NCOA2: variants seen among roughly 807,000 people sequenced by gnomAD.
NCOA2 encodes nuclear receptor coactivator 2.
A neutral mutation model predicts 145.1 loss-of-function variants in NCOA2; 21 were observed. The ratio of observed to expected loss-of-function variants is 0.14; its 90% CI spans 0.10 to 0.21. NCOA2 has a LOEUF of 0.21. NCOA2 is among the 10% of genes least tolerant of loss of function. The probability of loss-of-function intolerance (pLI) is 1.00; values close to 1 mark genes in which losing one functional copy is unlikely to be tolerated. For synonymous variants in NCOA2, 619 were observed against 637.5 expected (o/e 0.97, Z 0.44); for missense variants, 1,472 against 1,837.6 (o/e 0.80, Z 3.64).
At position 70,166,700 on chromosome 8, in the gene NCOA2, T is replaced by C. The variant is rs1016604814; in HGVS notation, c.596A>G (p.Asn199Ser). 1.9e-6 allele frequency: 3 copies of C among 1,614,012 alleles called. No homozygotes were observed. Among genetic ancestry groups the C allele is most frequent in the East Asian group, 2.2e-5 (1 of 44,888 alleles). The change falls in exon 7 of 23, where the codon AAT becomes AGT. Residue 199 changes from asparagine (N) to serine (S), a missense_variant. By Grantham distance (46) the Asn-to-Ser change is conservative. Around this residue, in one of 4 missense-constraint regions of NCOA2, gnomAD observed 284 missense variants for 467.8 expected, o/e 0.61. Transcript: ENST00000452400. The stretch of plus-strand genomic sequence containing the variant: ...TAAAGGTTTTACCAGCATCCGACAA[T>C]TGAAGGTATGGCTGTTCCGCCTCGG... ...EPPRRNSHTF[N>S]CRMLVKPLPD...
At chr8:70,356,758 T>C (rs1438076901) in intron 1 of NCOA2, among the ~76,000 whole-genome samples, 1 of 152,222 alleles carries the variant, frequency 6.6e-6, no homozygotes, top group Non-Finnish European at 1.5e-5. Flanking sequence ...CATAATGCTT[T>C]GACAGTATGT....
At chr8:70,167,323 G>T (rs147423148) in intron 6 of NCOA2, among the ~76,000 whole-genome samples, 2 of 152,072 alleles carry the variant, frequency 1.3e-5, no homozygotes, top group Non-Finnish European at 2.9e-5. Flanking sequence ...TCCATCTAAC[G>T]GGATCTTCCA....
chr8:70,250,408 A>G (rs1364822645), intron 2 of NCOA2, among the ~76,000 whole-genome samples: 2 of 149,602 alleles, frequency 1.3e-5, no homozygotes, highest in Non-Finnish European at 3.0e-5. Context: ...AAAAAAAAAA[A>G]AAAAAAAAAA....
intron 4 of NCOA2, among the ~76,000 whole-genome samples, chr8:70,181,709 T>G (rs1223140721): frequency 2.0e-5 from 3 of 152,246 alleles, no homozygotes; most frequent in Non-Finnish European, 4.4e-5. Flanking sequence ...CCTAGAAATC[T>G]ACGAATTTTT....
In NCOA2 at chr8:70,209,727, A is replaced by G. The variant is rs139702775; in HGVS notation, c.259+4176T>C. ...AGGTATTTTTAAGTTAAAATGTATT[A>G]ATTTTTTAAAGAAGTAATACCATTG... On this transcript the variant is annotated intron_variant, in intron 4 of 22. Coordinates refer to ENST00000452400, the MANE Select transcript of NCOA2 (RefSeq NM_006540.4). Among the ~76,000 whole-genome samples the G allele has an allele frequency of 2.6e-5, 4 of 152,316 alleles. No individual in the cohort carries two copies. In the East Asian group the frequency reaches 7.7e-4, roughly 29 times the overall value.
chr8:70,308,127 G>A (rs1419646111), intron 1 of NCOA2, among the ~76,000 whole-genome samples: 1 of 151,972 alleles, frequency 6.6e-6, no homozygotes, highest in Admixed American at 6.6e-5. Context: ...TGTAACTAAA[G>A]AACAAAGTCT....
intron 1 of NCOA2, among the ~76,000 whole-genome samples, chr8:70,351,144 C>T (rs1054388426): frequency 3.9e-5 from 6 of 152,220 alleles, no homozygotes; most frequent in African/African-American, 1.4e-4. Flanking sequence ...TTAATCACCT[C>T]TTCATGATCC....
the NCOA2 span, among the ~76,000 whole-genome samples, chr8:70,451,906 CT>C: frequency 1.3e-4 from 20 of 152,290 alleles, no homozygotes; most frequent in African/African-American, 4.8e-4. Flanking sequence ...ATAAAGAACT[CT>C]TACAACTCAA....
intron 17 of NCOA2, 87 bp downstream of exon 17, chr8:70,128,615 T>C (rs1163955348): frequency 1.3e-6 from 2 of 1,592,188 alleles, no homozygotes; most frequent in African/African-American, 2.7e-5. Flanking sequence ...ATCTGCACAT[T>C]GTTGGACAGC....
At chr8:70,162,212 C>CTT (rs557942859) in intron 9 of NCOA2, among the ~76,000 whole-genome samples, 235 of 152,304 alleles carry the variant, frequency 1.5e-3, no homozygotes, top group Non-Finnish European at 2.8e-3. Flanking sequence ...TCAGTTCCAG[C>CTT]TGTCCTATTG....
intron 7 of NCOA2, among the ~76,000 whole-genome samples, chr8:70,166,047 C>A (rs1468268097): frequency 6.6e-6 from 1 of 152,150 alleles, no homozygotes; most frequent in Non-Finnish European, 1.5e-5. Context: ...TGGTCTCGAT[C>A]TCCTGATCTC....
chr8:70,395,179 G>C (rs1419265202), intron 1 of NCOA2, among the ~76,000 whole-genome samples: 1 of 152,206 alleles, frequency 6.6e-6, no homozygotes, highest in African/African-American at 2.4e-5. Context: ...AAGATAAAAG[G>C]AGGTAGAGGA....
At chr8:70,246,923 C>T (rs539235316) in intron 2 of NCOA2, among the ~76,000 whole-genome samples, 1 of 152,164 alleles carries the variant, frequency 6.6e-6, no homozygotes, top group South Asian at 2.1e-4. Context: ...ATAAGTAAAC[C>T]AAGCCAAACT....
chr8:70,214,473 A>T (rs1819380004), intron 3 of NCOA2, among the ~76,000 whole-genome samples: 1 of 152,232 alleles, frequency 6.6e-6, no homozygotes, highest in Non-Finnish European at 1.5e-5. Context: ...AAAGAAGAGA[A>T]GTTAACCCAG....
chr8:70,198,209 T>C (rs1817537682), intron 4 of NCOA2, among the ~76,000 whole-genome samples: 1 of 152,236 alleles, frequency 6.6e-6, no homozygotes, highest in African/African-American at 2.4e-5. Flanking sequence ...GCTGTCGTGG[T>C]AATGGTAATA....
the NCOA2 span, among the ~76,000 whole-genome samples, chr8:70,436,258 A>G: frequency 6.6e-6 from 1 of 152,208 alleles, no homozygotes; most frequent in Non-Finnish European, 1.5e-5. Context: ...AGATAAAACC[A>G]GAGTTATTTG....
At chr8:70,208,567 GAAGCTTGA>G (rs1818707276) in intron 4 of NCOA2, among the ~76,000 whole-genome samples, 1 of 152,142 alleles carries the variant, frequency 6.6e-6, no homozygotes, top group Non-Finnish European at 1.5e-5. Flanking sequence ...GCCTCATTTC[GAAGCTTGA>G]AAGGACAAAC....
chr8:70,210,612 T>A (rs1361920865), intron 4 of NCOA2, among the ~76,000 whole-genome samples: 1 of 152,216 alleles, frequency 6.6e-6, no homozygotes, highest in Non-Finnish European at 1.5e-5. Context: ...CAAATTTCCA[T>A]CCTTTAGGCC....
At chr8:70,379,261 A>C (rs1230266743) in intron 1 of NCOA2, among the ~76,000 whole-genome samples, 1 of 152,184 alleles carries the variant, frequency 6.6e-6, no homozygotes, top group East Asian at 1.9e-4. Context: ...CCCACCCTCC[A>C]ATCTAGGAAA....
Sources: gnomAD v4.1 joint callset for allele counts (sites outside exome capture counted in the v4.1 genomes callset) on GRCh38, gnomAD v4.1.1 for gene constraint, gnomAD v4.1.1 regional missense constraint, MANE v1.5 for transcripts, NCBI Gene and HGNC (gene_info 2026-07-23, HGNC 2026-07-21) for gene names.